Variants in ADAMTS19 observed in about 807,000 individuals in gnomAD.
The protein encoded by ADAMTS19 is ADAM metallopeptidase with thrombospondin type 1 motif 19, also known as A disintegrin and metalloproteinase with thrombospondin motifs 19.
Under a neutral mutation model 153.3 loss-of-function variants are expected in ADAMTS19, and 93 were observed. The observed-to-expected ratio is 0.61, with a 90% confidence interval of 0.51 to 0.72. The LOEUF (loss-of-function observed/expected upper bound fraction) is 0.72. Among genes scored for constraint, ADAMTS19 ranks in the 30% least tolerant of loss-of-function variants. The probability of loss-of-function intolerance (pLI) is 0.00; values close to 1 mark genes in which losing one functional copy is unlikely to be tolerated. For missense variants in ADAMTS19, 1,482 were observed against 1,552.1 expected (o/e 0.95, Z 0.76); for synonymous variants, 600 against 556.6 (o/e 1.08, Z -1.10).
intron 7 of ADAMTS19, among the ~76,000 whole-genome samples, chr5:129,583,699 A>G (rs373084965): frequency 2.0e-5 from 3 of 151,620 alleles, no homozygotes; most frequent in Non-Finnish European, 2.9e-5. Context: ...TGCTTGATCA[A>G]TTCAGCTATT....
chr5:129,641,110 ATG>A (rs1226232334), intron 10 of ADAMTS19, among the ~76,000 whole-genome samples: 1 of 152,182 alleles, frequency 6.6e-6, no homozygotes, highest in Non-Finnish European at 1.5e-5. Flanking sequence ...CTTTATTAAT[ATG>A]TGTGTTGGCC....
chr5:129,513,048 T>C (rs903872955), intron 3 of ADAMTS19, among the ~76,000 whole-genome samples: 1 of 151,988 alleles, frequency 6.6e-6, no homozygotes, highest in South Asian at 2.1e-4. Context: ...TAATAGTAAC[T>C]TCTATTCAGA....
chr5:129,628,461 A>G (rs1239388393), intron 10 of ADAMTS19, among the ~76,000 whole-genome samples: 1 of 152,036 alleles, frequency 6.6e-6, no homozygotes, highest in Non-Finnish European at 1.5e-5. Context: ...AAATTAAAGT[A>G]TAAAAAAAAA....
chr5:129,619,949 AAATAG>A (rs1164476082), intron 8 of ADAMTS19, among the ~76,000 whole-genome samples: 9 of 152,188 alleles, frequency 5.9e-5, no homozygotes, highest in Admixed American at 5.9e-4. Flanking sequence ...AGCAAGAGAA[AAATAG>A]AATAGAGGAG....
intron 3 of ADAMTS19, among the ~76,000 whole-genome samples, chr5:129,511,224 T>G (rs1165681781): frequency 2.0e-5 from 3 of 151,720 alleles, no homozygotes; most frequent in African/African-American, 7.3e-5. Flanking sequence ...TGTACTCTCT[T>G]AGTGTTTTCA....
At position 129,720,658 on chromosome 5, in the gene ADAMTS19, G is replaced by A. The variant is rs375017200; in HGVS notation, c.3313-14274G>A. Among the ~76,000 whole-genome samples, 20 of 152,200 alleles carry A rather than the reference G, an allele frequency of 1.3e-4. No homozygotes were observed. The East Asian group carries it at 2.1e-3, about 16-fold the overall frequency. Reference sequence around the variant, plus strand: ...TGTAAGACTTCAAAAATTAGCATGCGGGACAGTCCAGTGGATGCCAGAGCC... The same window carrying A: ...TGTAAGACTTCAAAAATTAGCATGCAGGACAGTCCAGTGGATGCCAGAGCC... On this transcript the variant is annotated intron_variant, in intron 21 of 22. Coordinates refer to ENST00000274487, the MANE Select transcript of ADAMTS19 (RefSeq NM_133638.6).
chr5:129,710,973 G>T (rs1268070751), intron 21 of ADAMTS19, among the ~76,000 whole-genome samples: 1 of 152,140 alleles, frequency 6.6e-6, no homozygotes, highest in African/African-American at 2.4e-5. Context: ...CCCAGGGCTA[G>T]GCTAGACCTT....
chr5:129,610,640 T>G (rs1273532945), intron 8 of ADAMTS19, among the ~76,000 whole-genome samples: 1 of 152,194 alleles, frequency 6.6e-6, no homozygotes, highest in Non-Finnish European at 1.5e-5. Context: ...TATGGCTGCA[T>G]AGTATTCCAT....
chr5:129,503,434 T>C (rs1751166970), intron 2 of ADAMTS19, among the ~76,000 whole-genome samples: 1 of 152,208 alleles, frequency 6.6e-6, no homozygotes, highest in Non-Finnish European at 1.5e-5. Context: ...AAGAAAAACA[T>C]GAGGTATTAT....
At chr5:129,477,513 G>A (rs1053237730) in intron 2 of ADAMTS19, among the ~76,000 whole-genome samples, 3 of 152,258 alleles carry the variant, frequency 2.0e-5, no homozygotes, top group Non-Finnish European at 4.4e-5. Context: ...TTTAGAGTGT[G>A]TTTTAAGTTT....
At chr5:129,675,042 CTTTGT>C (rs1754493968) in intron 16 of ADAMTS19, among the ~76,000 whole-genome samples, 1 of 151,910 alleles carries the variant, frequency 6.6e-6, no homozygotes, top group African/African-American at 2.4e-5. Context: ...TTTTTGTTTG[CTTTGT>C]TTTCTTTCTC....
rs889509265 is a variant in ADAMTS19, at chr5:129,486,750, A to G, written c.748-22327A>G. Among the ~76,000 whole-genome samples, 12 of 151,140 alleles carry G rather than the reference A, an allele frequency of 7.9e-5. 1 individual carries two copies. Among genetic ancestry groups the G allele is most frequent in the Admixed American group, 1.3e-4 (2 of 15,252 alleles). ...TTCTAGCCACAACAATAAGCAAAAT[A>G]AATAAATAAATAAATAAATACAGTA... On this transcript the variant is annotated intron_variant, in intron 2 of 22. Coordinates refer to ENST00000274487, the MANE Select transcript of ADAMTS19 (RefSeq NM_133638.6).
intron 10 of ADAMTS19, among the ~76,000 whole-genome samples, chr5:129,629,256 T>C (rs1339707394): frequency 6.6e-6 from 1 of 152,112 alleles, no homozygotes; most frequent in African/African-American, 2.4e-5. Context: ...TTTTAGAATA[T>C]TAATGCAATG....
chr5:129,559,649 CAT>C (rs1263732614), intron 7 of ADAMTS19, among the ~76,000 whole-genome samples: 1 of 152,144 alleles, frequency 6.6e-6, no homozygotes, highest in Non-Finnish European at 1.5e-5. Flanking sequence ...CATTCTTACA[CAT>C]ACACCTTAGA....
At chr5:129,702,929 C>CAAAAAAAA (rs376208133) in intron 20 of ADAMTS19, among the ~76,000 whole-genome samples, 28 of 44,270 alleles carry the variant, frequency 6.3e-4, no homozygotes, top group South Asian at 1.5e-3. Context: ...TTTGACTTGC[C>CAAAAAAAA]AAAAAAAAAA....
intron 16 of ADAMTS19, among the ~76,000 whole-genome samples, chr5:129,679,113 G>A (rs1365009293): frequency 6.6e-6 from 1 of 152,128 alleles, no homozygotes; most frequent in Non-Finnish European, 1.5e-5. Context: ...AAAAAATTAT[G>A]TAAACAGAAT....
intron 3 of ADAMTS19, among the ~76,000 whole-genome samples, chr5:129,510,059 A>G (rs935199290): frequency 2.6e-5 from 4 of 151,970 alleles, no homozygotes; most frequent in Non-Finnish European, 5.9e-5. Flanking sequence ...TACTGATCTA[A>G]GAAATATTTC....
At chr5:129,596,450 C>CTG in intron 7 of ADAMTS19, 109 bp from the exon 8 acceptor site, 1 of 747,416 alleles carries the variant, frequency 1.3e-6, no homozygotes, top group African/African-American at 1.8e-5. Context: ...CAGATTAATA[C>CTG]TGACATTTTA....
intron 2 of ADAMTS19, among the ~76,000 whole-genome samples, chr5:129,496,725 G>C (rs543416633): frequency 3.9e-5 from 6 of 151,948 alleles, no homozygotes; most frequent in Non-Finnish European, 4.4e-5. Context: ...TGCTGCAAAG[G>C]CTCATCACCA....
Sources: gnomAD v4.1 joint callset for allele counts (sites outside exome capture counted in the v4.1 genomes callset) on GRCh38, gnomAD v4.1.1 for gene constraint, MANE v1.5 for transcripts, NCBI Gene and HGNC (gene_info 2026-07-23, HGNC 2026-07-21) for gene names.